ARHGAP15: variants seen among roughly 807,000 people sequenced by gnomAD.
The protein encoded by ARHGAP15 is Rho GTPase activating protein 15.
ARHGAP15 carries 51 observed loss-of-function variants against 63.7 expected under a neutral mutation model. The observed-to-expected ratio is 0.80, with a 90% confidence interval of 0.64 to 1.01. The LOEUF is 1.01. ARHGAP15 is among the 50% of genes least tolerant of loss of function. The pLI, the probability that ARHGAP15 is intolerant of heterozygous loss-of-function variation, is 0.00. For missense variants in ARHGAP15, 560 were observed against 564.6 expected (o/e 0.99, Z 0.08); for synonymous variants, 191 against 193.8 (o/e 0.99, Z 0.12).
chr2:143,196,622 A>C (rs1429459627), intron 2 of ARHGAP15, among the ~76,000 whole-genome samples: 2 of 152,042 alleles, frequency 1.3e-5, no homozygotes, highest in Non-Finnish European at 2.9e-5. Context: ...TTGCAAGTAA[A>C]TTAAGAGTAG....
At chr2:143,587,055 A>G (rs1430978739) in intron 11 of ARHGAP15, among the ~76,000 whole-genome samples, 3 of 152,090 alleles carry the variant, frequency 2.0e-5, no homozygotes, top group South Asian at 4.1e-4. Context: ...TGAGGAATGG[A>G]CAATAAAATG....
chr2:143,581,168 A>C (rs1208328892), intron 11 of ARHGAP15, among the ~76,000 whole-genome samples: 1 of 152,178 alleles, frequency 6.6e-6, no homozygotes, highest in African/African-American at 2.4e-5. Context: ...CGATGGACTA[A>C]TTAGCTCCAC....
chr2:143,237,192 C>G (rs899013948), intron 5 of ARHGAP15: 1 of 152,014 alleles, frequency 6.6e-6, no homozygotes, highest in African/African-American at 2.4e-5. Flanking sequence ...AATTAAGTCT[C>G]TCTTAATTTT....
At chr2:143,511,617 A>G (rs997012424) in intron 9 of ARHGAP15, among the ~76,000 whole-genome samples, 9 of 152,034 alleles carry the variant, frequency 5.9e-5, no homozygotes, top group Non-Finnish European at 1.0e-4. Flanking sequence ...AGTAGAAATA[A>G]TCCTTAATGT....
intron 6 of ARHGAP15, among the ~76,000 whole-genome samples, chr2:143,316,737 A>G (rs184296971): frequency 1.4e-4 from 21 of 151,934 alleles, no homozygotes; most frequent in Admixed American, 9.8e-4. Context: ...TAATCTCACT[A>G]TAAGTATCAA....
chr2:143,526,612 C>T (rs962213134), intron 10 of ARHGAP15, among the ~76,000 whole-genome samples: 1 of 152,102 alleles, frequency 6.6e-6, no homozygotes, highest in African/African-American at 2.4e-5. Context: ...TTTCCCATTA[C>T]AAGGCCCTAT....
chr2:143,569,993 C>T (rs1307794441), intron 11 of ARHGAP15, among the ~76,000 whole-genome samples: 2 of 152,144 alleles, frequency 1.3e-5, no homozygotes, highest in East Asian at 1.9e-4. Flanking sequence ...ATTGTGTTGT[C>T]TTGCCCAAGT....
In ARHGAP15 at chr2:143,269,820, T is replaced by G. The variant is rs190283190; in HGVS notation, c.474+19220T>G. Among the ~76,000 whole-genome samples the G allele has an allele frequency of 6.0e-4, 92 of 152,284 alleles. No individual in the cohort carries two copies. The East Asian group carries it at 0.017, about 28-fold the overall frequency. On this transcript the variant is annotated intron_variant, in intron 6 of 13. Coordinates refer to ENST00000295095, the MANE Select transcript of ARHGAP15 (RefSeq NM_018460.4). ...TGGCCACAGGTTTATGATACCAATCTTGCAATCATGCCTATTAATTGATAA... is the reference window on the plus strand; with the variant it reads ...TGGCCACAGGTTTATGATACCAATCGTGCAATCATGCCTATTAATTGATAA...
In ARHGAP15 at chr2:143,395,222, A is replaced by AG; in HGVS notation, c.475-40375dup. Among the ~76,000 whole-genome samples the AG allele has an allele frequency of 2.6e-5, 4 of 152,286 alleles. No individual in the cohort carries two copies. The South Asian group carries it at 8.3e-4, about 32-fold the overall frequency. ...AAGAGGAATTAAATCAGATTGTGGG[A>AG]GGGGAGCATTTCAGCTTGACTTTAA... is the stretch of plus-strand genomic sequence containing the variant. On this transcript the variant is annotated intron_variant, in intron 6 of 13. Transcript: ENST00000295095.
chr2:143,188,542 G>A (rs566576669), intron 2 of ARHGAP15, among the ~76,000 whole-genome samples: 119 of 151,356 alleles, frequency 7.9e-4, no homozygotes, highest in African/African-American at 2.6e-3. Context: ...GGCCTAACAC[G>A]CAGTGCAGAA....
At chr2:143,434,665 A>G (rs943439416) in intron 6 of ARHGAP15, among the ~76,000 whole-genome samples, 1 of 152,170 alleles carries the variant, frequency 6.6e-6, no homozygotes, top group Non-Finnish European at 1.5e-5. Flanking sequence ...TCTGTGTGAC[A>G]GTAGTTGGGA....
intron 11 of ARHGAP15, among the ~76,000 whole-genome samples, chr2:143,619,493 C>T (rs1271648413): frequency 6.6e-6 from 1 of 152,026 alleles, no homozygotes; most frequent in Non-Finnish European, 1.5e-5. Flanking sequence ...TTTAAGATAA[C>T]CTAATTAGAG....
At chr2:143,621,698 A>G (rs1268480437) in intron 11 of ARHGAP15, among the ~76,000 whole-genome samples, 4 of 152,184 alleles carry the variant, frequency 2.6e-5, no homozygotes, top group African/African-American at 7.2e-5. Context: ...AGTTAATATT[A>G]TATGGTATTT....
chr2:143,320,406 C>CT (rs1558890262), intron 6 of ARHGAP15, among the ~76,000 whole-genome samples: 1 of 21,620 alleles, frequency 4.6e-5, no homozygotes. Flanking sequence ...CAGGACTTCC[C>CT]CACCCCCCCC....
At chr2:143,130,948 A>T (rs1193133629) in intron 1 of ARHGAP15, among the ~76,000 whole-genome samples, 3 of 152,156 alleles carry the variant, frequency 2.0e-5, no homozygotes, top group Non-Finnish European at 4.4e-5. Flanking sequence ...TCATTTTATT[A>T]TAAAAGAATA....
At chr2:143,322,773 G>T (rs1684082480) in intron 6 of ARHGAP15, among the ~76,000 whole-genome samples, 1 of 152,152 alleles carries the variant, frequency 6.6e-6, no homozygotes, top group Non-Finnish European at 1.5e-5. Context: ...ATGTGGTACT[G>T]GATTAGAGAA....
At chr2:143,468,431 G>A (rs1280191907) in intron 8 of ARHGAP15, among the ~76,000 whole-genome samples, 2 of 151,880 alleles carry the variant, frequency 1.3e-5, no homozygotes, top group Non-Finnish European at 2.9e-5. Context: ...ATATGGCTGT[G>A]GTTTTCAGAA....
At chr2:143,555,144 A>G (rs1262340966) in intron 10 of ARHGAP15, among the ~76,000 whole-genome samples, 4 of 152,194 alleles carry the variant, frequency 2.6e-5, no homozygotes, top group African/African-American at 4.8e-5. Flanking sequence ...ATTATTACCA[A>G]TGTTATAAGT....
Position 143,325,782 on chromosome 2 carries a change from T to C in ARHGAP15, c.474+75182T>C, listed in dbSNP as rs541802688. Among the ~76,000 whole-genome samples the C allele has an allele frequency of 5.3e-5, 8 of 152,278 alleles. No homozygotes were observed. The East Asian group carries it at 1.5e-3, about 29-fold the overall frequency. On this transcript the variant is annotated intron_variant, in intron 6 of 13. Coordinates refer to ENST00000295095, the MANE Select transcript of ARHGAP15 (RefSeq NM_018460.4). ...GTAATGAACAGTGCTTCTATGTTGG[T>C]TATACTTTCATTATTTAAATACTTG...
Sources: gnomAD v4.1 joint callset for allele counts (sites outside exome capture counted in the v4.1 genomes callset) on GRCh38, gnomAD v4.1.1 for gene constraint, MANE v1.5 for transcripts, NCBI Gene and HGNC (gene_info 2026-07-23, HGNC 2026-07-21) for gene names.